GPC5: variants seen among roughly 807,000 people sequenced by gnomAD.
GPC5 encodes the protein glypican 5, also known as glypican-5.
A neutral mutation model predicts 53.9 loss-of-function variants in GPC5; 47 were observed. The observed-to-expected ratio is 0.87, with a 90% CI of 0.69 to 1.11. The LOEUF (loss-of-function observed/expected upper bound fraction) is 1.11. Ranked by LOEUF, GPC5 falls within the 50% of genes most tolerant of loss-of-function variation. GPC5 has a pLI of 0.00. For synonymous variants in GPC5, 286 were observed against 263.3 expected (o/e 1.09, Z -0.84); for missense variants, 748 against 713.1 (o/e 1.05, Z -0.56).
chr13:92,122,740 CTTTTT>C (rs3058805), intron 6 of GPC5, among the ~76,000 whole-genome samples: 14 of 67,118 alleles, frequency 2.1e-4, no homozygotes, highest in African/African-American at 5.0e-4. Flanking sequence ...ATAGGTCAGT[CTTTTT>C]TTTTTTTTTT....
intron 5 of GPC5, among the ~76,000 whole-genome samples, chr13:91,828,255 T>C (rs530893488): frequency 6.6e-6 from 1 of 152,152 alleles, no homozygotes; most frequent in Non-Finnish European, 1.5e-5. Flanking sequence ...ACATTTAATA[T>C]TTGTGCATTT....
At chr13:91,996,581 T>C (rs1375886385) in intron 6 of GPC5, 1 of 152,198 alleles carries the variant, frequency 6.6e-6, no homozygotes, top group Non-Finnish European at 1.5e-5. Context: ...TATAGCTAAA[T>C]TAATTGTCAC....
At chr13:91,599,246 A>G (rs902055525) in intron 2 of GPC5, among the ~76,000 whole-genome samples, 8 of 152,110 alleles carry the variant, frequency 5.3e-5, no homozygotes, top group Admixed American at 3.3e-4. Context: ...TTGTTTTCTC[A>G]TTTGGCTAAA....
At chr13:92,028,279 T>TA (rs2040815761) in intron 6 of GPC5, among the ~76,000 whole-genome samples, 1 of 152,134 alleles carries the variant, frequency 6.6e-6, no homozygotes, top group South Asian at 2.1e-4. Context: ...ATAAACCTGT[T>TA]AAAAATAAAT....
intron 2 of GPC5, among the ~76,000 whole-genome samples, chr13:91,477,013 A>C (rs1035725383): frequency 1.3e-5 from 2 of 152,180 alleles, no homozygotes; most frequent in Non-Finnish European, 2.9e-5. Context: ...AGTGTTATTT[A>C]AATTTTGCAA....
At chr13:91,893,576 C>T (rs2039410708) in intron 5 of GPC5, among the ~76,000 whole-genome samples, 1 of 152,054 alleles carries the variant, frequency 6.6e-6, no homozygotes, top group Non-Finnish European at 1.5e-5. Context: ...AGCTTTCATT[C>T]TAGAATTTTG....
chr13:92,111,846 C>G (rs1197584963), intron 6 of GPC5, among the ~76,000 whole-genome samples: 3 of 152,064 alleles, frequency 2.0e-5, no homozygotes, highest in South Asian at 2.1e-4. Context: ...TCCAAGAATA[C>G]CTTTGTCATT....
chr13:92,537,768 G>A (rs1389566804), intron 7 of GPC5, among the ~76,000 whole-genome samples: 1 of 152,076 alleles, frequency 6.6e-6, no homozygotes, highest in Non-Finnish European at 1.5e-5. Context: ...AAGCTCCTTA[G>A]TCAAACAAAC....
chr13:91,971,498 T>C (rs920531447), intron 6 of GPC5, among the ~76,000 whole-genome samples: 6 of 152,132 alleles, frequency 3.9e-5, no homozygotes, highest in Admixed American at 2.6e-4. Flanking sequence ...TATTTCTTGC[T>C]TTGTGCTAGC....
At chr13:92,137,550 G>A (rs2041794824) in intron 6 of GPC5, among the ~76,000 whole-genome samples, 1 of 152,158 alleles carries the variant, frequency 6.6e-6, no homozygotes, top group Non-Finnish European at 1.5e-5. Context: ...TAATGTGCTA[G>A]CATTTTTCAT....
chr13:92,727,910 G>A (rs1282978978), intron 7 of GPC5, among the ~76,000 whole-genome samples: 3 of 151,162 alleles, frequency 2.0e-5, no homozygotes, highest in East Asian at 3.9e-4. Context: ...CCTACTTTTT[G>A]TCTCAGTCAG....
intron 2 of GPC5, among the ~76,000 whole-genome samples, chr13:91,578,726 T>C (rs566095858): frequency 6.6e-6 from 1 of 152,234 alleles, no homozygotes; most frequent in African/African-American, 2.4e-5. Flanking sequence ...TTTTAAAATA[T>C]TTTCAAAGTA....
chr13:92,685,567 T>TTTTTTTAA (rs1566363727), intron 7 of GPC5, among the ~76,000 whole-genome samples: 1 of 143,314 alleles, frequency 7.0e-6, no homozygotes, highest in African/African-American at 2.6e-5. Context: ...TTAATTTTTT[T>TTTTTTTAA]TTTTTTTATT....
chr13:91,967,740 T>C (rs970535928), intron 6 of GPC5, among the ~76,000 whole-genome samples: 5 of 152,088 alleles, frequency 3.3e-5, no homozygotes, highest in African/African-American at 9.7e-5. Context: ...ATATACAAAA[T>C]CATCAGTGGA....
intron 7 of GPC5, among the ~76,000 whole-genome samples, chr13:92,530,042 C>T (rs1199745645): frequency 6.6e-6 from 1 of 152,178 alleles, no homozygotes; most frequent in Non-Finnish European, 1.5e-5. Context: ...CTCATCGTGC[C>T]ACTGCACCCC....
intron 5 of GPC5, among the ~76,000 whole-genome samples, chr13:91,840,964 C>G (rs984024557): frequency 1.5e-4 from 23 of 151,556 alleles, no homozygotes; most frequent in Admixed American, 1.1e-3. Flanking sequence ...GTGGATATAT[C>G]CCTGAGAACC....
chr13:92,062,852 A>C (rs751099841), intron 6 of GPC5, among the ~76,000 whole-genome samples: 6 of 152,070 alleles, frequency 3.9e-5, no homozygotes, highest in Non-Finnish European at 5.9e-5. Flanking sequence ...TGTAACATTC[A>C]GCAAACATTT....
intron 4 of GPC5, among the ~76,000 whole-genome samples, chr13:91,737,306 T>C (rs1232529620): frequency 6.6e-6 from 1 of 151,470 alleles, no homozygotes; most frequent in Non-Finnish European, 1.5e-5. Flanking sequence ...AAGAGTTCAG[T>C]TCAAAACAAT....
intron 7 of GPC5, among the ~76,000 whole-genome samples, chr13:92,713,714 A>T (rs868299800): frequency 6.6e-6 from 1 of 152,096 alleles, no homozygotes; most frequent in Non-Finnish European, 1.5e-5. Flanking sequence ...AAAATAAGAA[A>T]ATAAGAAATG....
Sources: gnomAD v4.1 joint callset for allele counts (sites outside exome capture counted in the v4.1 genomes callset) on GRCh38, gnomAD v4.1.1 for gene constraint, MANE v1.5 for transcripts, NCBI Gene and HGNC (gene_info 2026-07-23, HGNC 2026-07-21) for gene names.